Variants in CTNNA2 observed in about 807,000 individuals in gnomAD.
The protein encoded by CTNNA2 is catenin alpha-2.
In CTNNA2, 42 loss-of-function variants were observed where a neutral mutation model predicts 101.0. The ratio of observed to expected loss-of-function variants is 0.42; its 90% CI spans 0.32 to 0.54. CTNNA2 has a LOEUF of 0.54. CTNNA2 is among the 20% of genes least tolerant of loss of function. The pLI, the probability that CTNNA2 is intolerant of heterozygous loss-of-function variation, is 0.14. For synonymous variants in CTNNA2, 450 were observed against 456.4 expected (o/e 0.99, Z 0.18); for missense variants, 871 against 1,223.1 (o/e 0.71, Z 4.29).
At chr2:79,593,926 C>T (rs1677029212) in intron 1 of CTNNA2, among the ~76,000 whole-genome samples, 2 of 52,830 alleles carry the variant, frequency 3.8e-5, no homozygotes, top group South Asian at 1.2e-3. Flanking sequence ...CTTGCTCTTT[C>T]ACCTAGGCTG....
intron 2 of CTNNA2, among the ~76,000 whole-genome samples, chr2:79,299,128 A>G (rs1027259444): frequency 2.6e-5 from 4 of 152,172 alleles, no homozygotes; most frequent in Admixed American, 2.0e-4. Context: ...GCTTTCCCCA[A>G]GTGGATACAG....
At chr2:79,727,189 A>C (rs1481680546) in intron 2 of CTNNA2, among the ~76,000 whole-genome samples, 1 of 152,268 alleles carries the variant, frequency 6.6e-6, no homozygotes, top group Non-Finnish European at 1.5e-5. Flanking sequence ...TGCTTAAAAC[A>C]AAAGATTAGA....
intron 7 of CTNNA2, among the ~76,000 whole-genome samples, chr2:79,993,556 A>C (rs1312495910): frequency 1.3e-5 from 2 of 152,198 alleles, no homozygotes; most frequent in Non-Finnish European, 2.9e-5. Context: ...ATTAAGTGAC[A>C]AAATGACAAA....
chr2:80,617,722 A>C (rs1698972028), intron 17 of CTNNA2, among the ~76,000 whole-genome samples: 1 of 151,840 alleles, frequency 6.6e-6, no homozygotes, highest in African/African-American at 2.4e-5. Context: ...TCATCTGCCA[A>C]TTTTGCTTAA....
In CTNNA2 at chr2:79,615,056, A is replaced by G. The variant is rs541985889; in HGVS notation, c.-5-36496A>G. Among the ~76,000 whole-genome samples the G allele has an allele frequency of 7.4e-4, 112 of 152,258 alleles. 2 individuals carry two copies. The highest frequency in any genetic ancestry group is 2.6e-3 in the African/African-American group (106 of 41,566). On this transcript the variant is annotated intron_variant, in intron 1 of 18. Coordinates refer to ENST00000402739, the MANE Select transcript of CTNNA2 (RefSeq NM_001282597.3). ...CGAGAGAGCATATTTAATATTTTTCATTATATTTGTTGATACTAACATGTT... is the reference window on the plus strand; with the variant it reads ...CGAGAGAGCATATTTAATATTTTTCGTTATATTTGTTGATACTAACATGTT...
chr2:80,083,379 G>A (rs985827126), intron 7 of CTNNA2, among the ~76,000 whole-genome samples: 4 of 152,036 alleles, frequency 2.6e-5, no homozygotes, highest in Non-Finnish European at 5.9e-5. Context: ...AGGCTGCTTG[G>A]TTGCCACAGT....
chr2:80,502,170 C>T (rs17019252), intron 9 of CTNNA2, among the ~76,000 whole-genome samples: 2,077 of 152,280 alleles, frequency 0.014, 50 homozygotes, highest in African/African-American at 0.048. Flanking sequence ...CTCCTCCTCA[C>T]ACACATCTGC....
chr2:79,628,464 T>C (rs112387223), intron 1 of CTNNA2, among the ~76,000 whole-genome samples: 3,576 of 151,170 alleles, frequency 0.024, 50 homozygotes, highest in Non-Finnish European at 0.033. Context: ...AAAAAAAAAA[T>C]TGTTGAATTT....
chr2:79,961,870 T>C (rs559412865), intron 7 of CTNNA2, among the ~76,000 whole-genome samples: 2 of 148,024 alleles, frequency 1.4e-5, no homozygotes, highest in South Asian at 4.3e-4. Context: ...TTTTTGTAAA[T>C]TGATATAGAA....
At chr2:79,610,090 A>G (rs1678165274) in intron 1 of CTNNA2, among the ~76,000 whole-genome samples, 1 of 152,174 alleles carries the variant, frequency 6.6e-6, no homozygotes, top group Non-Finnish European at 1.5e-5. Flanking sequence ...AAAACAAAAC[A>G]GTGTAACATT....
chr2:79,763,893 T>C (rs1441036167), intron 3 of CTNNA2, among the ~76,000 whole-genome samples: 2 of 152,352 alleles, frequency 1.3e-5, no homozygotes, highest in South Asian at 2.1e-4. Flanking sequence ...AGTTATCAAA[T>C]GGATATAAGT....
chr2:79,812,345 C>CT (rs561896940), intron 3 of CTNNA2, among the ~76,000 whole-genome samples: 172 of 152,216 alleles, frequency 1.1e-3, no homozygotes, highest in African/African-American at 3.9e-3. Flanking sequence ...AGTCTTTTGT[C>CT]TTTAAGTAAG....
intron 4 of CTNNA2, among the ~76,000 whole-genome samples, chr2:79,433,508 C>A (rs1357441993): frequency 6.6e-6 from 1 of 151,494 alleles, no homozygotes. Flanking sequence ...GGCAATAAGT[C>A]TCTCCTATGA....
rs145901024 is a variant in CTNNA2 at position 79,377,342 on chromosome 2, T to G, written c.-135+3329T>G. Among the ~76,000 whole-genome samples the G allele has an allele frequency of 8.5e-5, 13 of 152,240 alleles. No individual in the cohort carries two copies. In the East Asian group the frequency reaches 2.5e-3, roughly 29 times the overall value. ...CCTAGAAAGACACTATGCTGAACAA[T>G]CCATACTATGCTGTACAAGGTCCTT... On this transcript the variant is annotated intron_variant, in intron 4 of 21. Transcript: ENST00000466387.
At chr2:80,191,360 A>G (rs996899083) in intron 7 of CTNNA2, among the ~76,000 whole-genome samples, 4 of 152,184 alleles carry the variant, frequency 2.6e-5, no homozygotes, top group South Asian at 2.1e-4. Context: ...TTTATTTACT[A>G]TCTCTCTTTC....
intron 12 of CTNNA2, among the ~76,000 whole-genome samples, chr2:80,562,449 CAAAAGTTCTATAATATAT>C (rs1693692189): frequency 6.6e-6 from 1 of 152,010 alleles, no homozygotes; most frequent in East Asian, 1.9e-4. Flanking sequence ...GGCAAAAATC[CAAAAGTTCTATAATATAT>C]ATACTCTGTT....
chr2:79,386,430 T>C (rs1291475754), intron 4 of CTNNA2, among the ~76,000 whole-genome samples: 1 of 152,222 alleles, frequency 6.6e-6, no homozygotes, highest in Non-Finnish European at 1.5e-5. Flanking sequence ...TCTCCACTTC[T>C]GTACTTTTGA....
chr2:80,214,318 T>C (rs898100728), intron 7 of CTNNA2, among the ~76,000 whole-genome samples: 3 of 152,214 alleles, frequency 2.0e-5, no homozygotes. Flanking sequence ...CGATGGTCCT[T>C]ACAATTTGGC....
At position 79,313,438 on chromosome 2, in the gene CTNNA2, A is replaced by T. The variant is rs75907868; in HGVS notation, c.-318+642A>T. On this transcript the variant is annotated intron_variant, in intron 3 of 21. Transcript: ENST00000466387. The stretch of plus-strand genomic sequence containing the variant: ...AGTTTGCATGTATTATCTCACCATA[A>T]TAATACTGGTATAGTTACTATTTCT... 1.2e-3 allele frequency among the ~76,000 whole-genome samples: 179 copies of T among 152,340 alleles called. 4 individuals are homozygous for T. The East Asian group carries it at 0.032, about 27-fold the overall frequency.
Sources: gnomAD v4.1 joint callset for allele counts (sites outside exome capture counted in the v4.1 genomes callset) on GRCh38, gnomAD v4.1.1 for gene constraint, MANE v1.5 for transcripts, NCBI Gene and HGNC (gene_info 2026-07-23, HGNC 2026-07-21) for gene names.